SBF1: variants seen among roughly 807,000 people sequenced by gnomAD.
SBF1 encodes myotubularin-related protein 5.
Under a neutral mutation model 215.8 loss-of-function variants are expected in SBF1, and 65 were observed. The observed-to-expected ratio is 0.30, with a 90% CI of 0.25 to 0.37. The LOEUF (loss-of-function observed/expected upper bound fraction) is 0.37. SBF1 is among the 10% of genes least tolerant of loss of function. SBF1 has a pLI of 1.00. For synonymous variants in SBF1, 1,410 were observed against 1,122.8 expected (o/e 1.26, Z -5.11); for missense variants, 2,634 against 2,667.8 (o/e 0.99, Z 0.28).
chr22:50,448,707 GA>G, intron 36 of SBF1, 57 bp from the exon 37 acceptor site: 1 of 1,391,286 alleles, frequency 7.2e-7, no homozygotes, highest in Non-Finnish European at 1.0e-6. Flanking sequence ...ACTAGAGCAC[GA>G]AAAGACAAAA....
intron 10 of SBF1, among the ~76,000 whole-genome samples, chr22:50,465,556 C>T (rs189477506): frequency 1.3e-5 from 2 of 152,226 alleles, no homozygotes; most frequent in Admixed American, 6.5e-5. Context: ...AAGTTCCAGC[C>T]CCTTGCTGGG....
chr22:50,461,145 G>GCAC lies in SBF1; in HGVS notation c.2967+11_2967+13dup. 1 of 1,584,486 alleles carries GCAC rather than the reference G, an allele frequency of 6.3e-7. No individual in the cohort carries two copies. Among genetic ancestry groups the GCAC allele is most frequent in the Non-Finnish European group, 8.6e-7 (1 of 1,163,180 alleles). ...GGCGGGGGATGAGAGCCCCACCCGC[G>GCAC]CACCGCGCCCCACCTGGAATGTGCA... On this transcript the variant is annotated intron_variant, in intron 23 of 40. Coordinates refer to ENST00000380817, the MANE Select transcript of SBF1 (RefSeq NM_002972.4).
rs1351905923 is a variant in SBF1, at chr22:50,461,140, C to A, written c.2967+19G>T. 7.0e-6 allele frequency: 11 copies of A among 1,580,990 alleles called. No homozygotes were observed. The highest frequency in any genetic ancestry group is 3.6e-5 in the Admixed American group (2 of 56,032). On this transcript the variant is annotated intron_variant, in intron 23 of 40. Coordinates refer to ENST00000380817, the MANE Select transcript of SBF1 (RefSeq NM_002972.4). Reference sequence around the variant, plus strand: ...ACCAGGGCGGGGGATGAGAGCCCCACCCGCGCACCGCGCCCCACCTGGAAT... The same window carrying A: ...ACCAGGGCGGGGGATGAGAGCCCCAACCGCGCACCGCGCCCCACCTGGAAT...
In SBF1 at chr22:50,474,811, C is replaced by T. The variant is rs956536011; in HGVS notation, c.30G>A (p.Leu10=). The T allele has an allele frequency of 1.2e-5, 17 of 1,454,670 alleles. No homozygotes were observed. In the African/African-American group the frequency reaches 1.6e-4, roughly 14 times the overall value. 90.1% of individuals were successfully genotyped at this position (1,454,670 alleles called of 1,614,324 possible). Reference sequence around the variant, plus strand: ...CGCGCGGGTGCGGCCCGAACGCCACCAGCACGAAGTAGTCCGCGAGCCGCG... The same window carrying T: ...CGCGCGGGTGCGGCCCGAACGCCACTAGCACGAAGTAGTCCGCGAGCCGCG... MARLADYFV[L]VAFGPHPRGS... The change falls in exon 1 of 41, where the codon CTG becomes CTA. Residue 10 remains leucine (L), a synonymous_variant. Coordinates refer to ENST00000380817, the MANE Select transcript of SBF1 (RefSeq NM_002972.4).
rs1238681423 is a variant in SBF1 at position 50,468,397 on chromosome 22, T to C, written c.120A>G (p.Pro40=). The C allele has an allele frequency of 6.2e-7, 1 of 1,613,054 alleles. No individual in the cohort carries two copies. The highest frequency in any genetic ancestry group is 1.7e-5 in the Admixed American group (1 of 59,966). Residue 40 remains proline, a synonymous_variant, in exon 2 of 41, where the codon CCA becomes CCG. Transcript: ENST00000380817. ...TCACCAGCTCGATGCCCTGGGGGAA[T>C]GGGTTGTCCTCCCAGTCCTTCTCTG... The part of the protein sequence containing the change: ...RFPEKDWEDN[P]FPQGIELFCQ...
In SBF1 at chr22:50,447,405, C is replaced by G; in HGVS notation, c.5500G>C (p.Asp1834His). The G allele has an allele frequency of 1.9e-6, 3 of 1,614,032 alleles. No homozygotes were observed. The highest frequency in any genetic ancestry group is 2.5e-6 in the Non-Finnish European group (3 of 1,179,982). The change falls in exon 40 of 41, where the codon GAC (aspartate) becomes CAC (histidine). Residue 1834 changes from aspartate (D) to histidine (H), a missense_variant. Asp to His is a moderately conservative substitution (Grantham distance 81). Coordinates refer to ENST00000380817, the MANE Select transcript of SBF1 (RefSeq NM_002972.4). ...RVDTECKGVI[D>H]LAEVEAVAPG... ...GCCACAGCCTCCACCTCCGCCAAGT[C>G]GATGACACCCTTGCACTCTGTGTCC...
chr22:50,463,386 C>G lies in SBF1; in HGVS notation c.1796G>C (p.Arg599Pro). The change falls in exon 16 of 41, where the codon CGC becomes CCC. Residue 599 changes from arginine (R) to proline (P), a missense_variant. Arg to Pro is a moderately radical substitution (Grantham distance 103). Transcript: ENST00000380817. ...LRALKGRAAR[R>P]CLAQELHLHV... is the part of the protein sequence containing the mutation. ...CAGGTGCAGCTCCTGGGCGAGGCAG[C>G]GGCGGGCAGCTCGCCCCTTCAGGGC... The G allele has an allele frequency of 6.3e-7, 1 of 1,597,032 alleles. No homozygotes were observed. Among genetic ancestry groups the G allele is most frequent in the Non-Finnish European group, 8.5e-7 (1 of 1,171,066 alleles).
chr22:50,466,738 G>A (rs2148602736), intron 5 of SBF1, 28 bp from the exon 6 acceptor site: 2 of 1,472,734 alleles, frequency 1.4e-6, no homozygotes, highest in Middle Eastern at 1.7e-4. Context: ...TCGGGGCTCA[G>A]TAGTTTGGCC....
At chr22:50,461,411 C>G in intron 22 of SBF1, 112 bp downstream of exon 22, 1 of 1,489,128 alleles carries the variant, frequency 6.7e-7, no homozygotes, top group Non-Finnish European at 9.0e-7. Context: ...AGGCCCGTTT[C>G]CCACGGGCAC....
At position 50,462,319 on chromosome 22, in the gene SBF1, G is replaced by A; in HGVS notation, c.2282C>T (p.Ala761Val). Reference protein sequence around the residue: ...STVFSQAIHYANRMSYLLLPL... With the variant: ...STVFSQAIHYVNRMSYLLLPL... ...CAGGAGGAGGTAGCTCATGCGGTTGGCATAGTGGATGGCCTGGCTGAACAC... is the reference window on the plus strand; with the variant it reads ...CAGGAGGAGGTAGCTCATGCGGTTGACATAGTGGATGGCCTGGCTGAACAC... Residue 761 changes from alanine to valine, a missense_variant, in exon 19 of 41, where the codon GCC (alanine) becomes GTC (valine). Ala to Val is a moderately conservative substitution (Grantham distance 64). Transcript: ENST00000380817. 3 of 1,614,032 alleles carry A rather than the reference G, an allele frequency of 1.9e-6. No individual in the cohort carries two copies. Among genetic ancestry groups the A allele is most frequent in the Non-Finnish European group, 2.5e-6 (3 of 1,180,018 alleles).
At chr22:50,459,712 C>T (rs113937359) in intron 26 of SBF1, 46 bp from the exon 27 acceptor site, 1 of 1,536,288 alleles carries the variant, frequency 6.5e-7, no homozygotes. Context: ...CCCCACCCGC[C>T]TCCAGGCTCA....
At chr22:50,470,693 G>C (rs1448000176) in intron 1 of SBF1, among the ~76,000 whole-genome samples, 3 of 152,208 alleles carry the variant, frequency 2.0e-5, no homozygotes, top group Non-Finnish European at 4.4e-5. Flanking sequence ...GGCTTGGCTG[G>C]GACGGACCAC....
chr22:50,465,420 A>G, intron 10 of SBF1, 92 bp from the exon 11 acceptor site: 1 of 1,080,232 alleles, frequency 9.3e-7, no homozygotes. Context: ...ACCCACCCCA[A>G]GCTGCCCCGC....
intron 6 of SBF1, 22 bp downstream of exon 6, chr22:50,466,583 G>C: frequency 6.5e-7 from 1 of 1,541,866 alleles, no homozygotes; most frequent in South Asian, 1.2e-5. Flanking sequence ...AAGCCATGCG[G>C]GGGTGGGACA....
chr22:50,470,825 C>T (rs931953020), intron 1 of SBF1, among the ~76,000 whole-genome samples: 3 of 152,212 alleles, frequency 2.0e-5, no homozygotes, highest in Non-Finnish European at 4.4e-5. Context: ...CAGGGAATGA[C>T]AGAACACAGC....
intron 36 of SBF1, 143 bp downstream of exon 36, chr22:50,454,369 T>C: frequency 2.8e-6 from 2 of 707,490 alleles, no homozygotes; most frequent in South Asian, 3.4e-5. Context: ...GTTCACATGG[T>C]GGGGAGACGG....
rs1391171653 is a variant in SBF1, at chr22:50,463,337, G to C, written c.1845C>G (p.Val615=). Residue 615 remains valine, a synonymous_variant, in exon 16 of 41, where the codon GTC becomes GTG. Transcript: ENST00000380817. Reference sequence around the variant, plus strand: ...CAAAGTCAAACTGCTGGTGGTCCAGGACCGCACGGTTCTGCTGCACATGCA... The same window carrying C: ...CAAAGTCAAACTGCTGGTGGTCCAGCACCGCACGGTTCTGCTGCACATGCA... The part of the protein sequence containing the change: ...LHLHVQQNRA[V]LDHQQFDFVV... 8.7e-6 allele frequency: 14 copies of C among 1,612,536 alleles called. No individual in the cohort carries two copies. The highest frequency in any genetic ancestry group is 1.7e-5 in the Admixed American group (1 of 59,888).
In SBF1 at chr22:50,446,356, T is replaced by TG. The variant is rs2066808396; in HGVS notation, c.*785_*786insC. On this transcript the variant is annotated 3_prime_UTR_variant, in exon 41 of 41. Transcript: ENST00000380817. ...CCTGCATTCCCCTGGGAGCCCACTGTCCCCCCCCCCCCCCCGCCTCCGGCC... is the reference window on the plus strand; with the variant it reads ...CCTGCATTCCCCTGGGAGCCCACTGTGCCCCCCCCCCCCCCCGCCTCCGGCC... 2.6e-4 allele frequency: 9 copies of TG among 35,036 alleles called. No individual in the cohort carries two copies. The highest frequency in any genetic ancestry group is 8.2e-4 in the Admixed American group (3 of 3,678). 2.2% of individuals were successfully genotyped at this position (35,036 alleles called of 1,614,324 possible).
chr22:50,453,526 G>A (rs1444964988), intron 36 of SBF1, among the ~76,000 whole-genome samples: 3 of 152,192 alleles, frequency 2.0e-5, no homozygotes, highest in Admixed American at 6.5e-5. Flanking sequence ...GGTGGCTCAC[G>A]CCTGTAATCC....
Sources: allele counts gnomAD v4.1 joint callset (sites outside exome capture counted in the v4.1 genomes callset), GRCh38; gene constraint gnomAD v4.1.1; transcripts MANE v1.5; gene names NCBI Gene and HGNC (gene_info 2026-07-23, HGNC 2026-07-21).